Variants in CNTNAP5 observed in about 807,000 individuals in gnomAD.
CNTNAP5 encodes the protein contactin-associated protein-like 5.
CNTNAP5 carries 72 observed loss-of-function variants against 150.2 expected under a neutral mutation model. The observed-to-expected ratio is 0.48, with a 90% CI of 0.40 to 0.58. The LOEUF is 0.58. Ranked by LOEUF, CNTNAP5 falls within the 20% of genes least tolerant of loss-of-function variation. The pLI is 0.00. For synonymous variants in CNTNAP5, 672 were observed against 619.8 expected, an observed-to-expected ratio of 1.08 and a Z score of -1.25; for missense variants, 1,636 against 1,626.2, an observed-to-expected ratio of 1.01 and a Z score of -0.10.
In CNTNAP5 at chr2:124,588,202, TTCTTTC is replaced by T. The variant is rs1558966121; in HGVS notation, c.1757-21597_1757-21592del. Among the ~76,000 whole-genome samples the T allele has an allele frequency of 3.3e-4, 48 of 146,926 alleles. 1 individual carries two copies. Among genetic ancestry groups the T allele is most frequent in the African/African-American group, 1.1e-3 (44 of 39,780 alleles). Reference sequence around the variant, plus strand: ...CTTCTTTCTTTCTTTCTTTCTTTCTTTCTTTCTTTCTTTCTTTCTTTCTTTCTTTCT... The same window carrying T: ...CTTCTTTCTTTCTTTCTTTCTTTCTTTTTCTTTCTTTCTTTCTTTCTTTCT... On this transcript the variant is annotated intron_variant, in intron 11 of 23. Transcript: ENST00000682447.
At chr2:124,113,923 C>T (rs1459055865) in intron 1 of CNTNAP5, among the ~76,000 whole-genome samples, 1 of 151,744 alleles carries the variant, frequency 6.6e-6, no homozygotes, top group Non-Finnish European at 1.5e-5. Context: ...GTGTCTCTCT[C>T]TCTATATATA....
intron 11 of CNTNAP5, among the ~76,000 whole-genome samples, chr2:124,592,915 A>C (rs912217705): frequency 5.9e-5 from 9 of 151,292 alleles, no homozygotes; most frequent in Non-Finnish European, 1.0e-4. Context: ...TTTTTTGTTT[A>C]TTGTATCTTT....
At chr2:124,764,944 C>G (rs540671185) in intron 16 of CNTNAP5, among the ~76,000 whole-genome samples, 1 of 151,958 alleles carries the variant, frequency 6.6e-6, no homozygotes, top group Non-Finnish European at 1.5e-5. Flanking sequence ...CTCTACTTCT[C>G]GAAATTTGAC....
chr2:124,592,947 TA>T (rs777409131), intron 11 of CNTNAP5, among the ~76,000 whole-genome samples: 4 of 151,896 alleles, frequency 2.6e-5, no homozygotes, highest in African/African-American at 7.2e-5. Flanking sequence ...AATGTTTGTT[TA>T]TTTTTTTAAT....
Position 124,658,935 on chromosome 2 carries a change from G to A in CNTNAP5, c.2077+10977G>A, listed in dbSNP as rs1324308928. Among the ~76,000 whole-genome samples the A allele has an allele frequency of 3.9e-5, 6 of 152,240 alleles. No homozygotes were observed. In the South Asian group the frequency reaches 1.2e-3, roughly 32 times the overall value. On this transcript the variant is annotated intron_variant, in intron 13 of 23. Coordinates refer to ENST00000682447, the MANE Select transcript of CNTNAP5 (RefSeq NM_001367498.1). ...TTTCTTCACACCTGAGTCCTCACTG[G>A]AACCTTCCCAAAGAGAAGGCTCCAG...
chr2:124,266,676 G>A (rs1687614064), intron 3 of CNTNAP5, among the ~76,000 whole-genome samples: 1 of 152,102 alleles, frequency 6.6e-6, no homozygotes, highest in East Asian at 1.9e-4. Context: ...TGATGTGTTA[G>A]TGTTCTTACT....
chr2:124,361,914 G>T lies in CNTNAP5; in HGVS notation c.382-55529G>T, dbSNP rs1446374167. On this transcript the variant is annotated intron_variant, in intron 3 of 23. Coordinates refer to ENST00000682447, the MANE Select transcript of CNTNAP5 (RefSeq NM_001367498.1). ...CGGGCGCCCCTCCCCCAGCCTCGCTGCCGCCTTGCAGTTTGATCTCAGACT... is the reference window on the plus strand; with the variant it reads ...CGGGCGCCCCTCCCCCAGCCTCGCTTCCGCCTTGCAGTTTGATCTCAGACT... Among the ~76,000 whole-genome samples the T allele has an allele frequency of 2.6e-5, 4 of 151,984 alleles. No homozygotes were observed. The East Asian group carries it at 7.7e-4, about 29-fold the overall frequency.
chr2:124,770,829 G>T (rs1167190147), intron 16 of CNTNAP5, among the ~76,000 whole-genome samples: 2 of 152,192 alleles, frequency 1.3e-5, no homozygotes, highest in East Asian at 3.8e-4. Flanking sequence ...GTATGTGCCA[G>T]GCACAGTTCT....
At chr2:124,391,823 G>A (rs1245273236) in intron 3 of CNTNAP5, among the ~76,000 whole-genome samples, 1 of 152,188 alleles carries the variant, frequency 6.6e-6, no homozygotes, top group African/African-American at 2.4e-5. Flanking sequence ...GGGCGCGGTG[G>A]CGGGCGCCTG....
chr2:124,217,902 A>G (rs1558805801), intron 1 of CNTNAP5, among the ~76,000 whole-genome samples: 1 of 152,116 alleles, frequency 6.6e-6, no homozygotes. Context: ...TGAAAATAAA[A>G]CTTAGTATAC....
At chr2:124,425,989 C>T (rs572019362) in intron 4 of CNTNAP5, among the ~76,000 whole-genome samples, 27 of 152,136 alleles carry the variant, frequency 1.8e-4, no homozygotes, top group African/African-American at 6.5e-4. Flanking sequence ...TCCAGTTGAA[C>T]TACAAATTTT....
chr2:124,059,141 A>G (rs1247964021), intron 1 of CNTNAP5, among the ~76,000 whole-genome samples: 1 of 152,184 alleles, frequency 6.6e-6, no homozygotes, highest in Non-Finnish European at 1.5e-5. Context: ...TGTTTTCAAC[A>G]GCACTAACGC....
At chr2:124,744,230 C>A (rs1055215852) in intron 13 of CNTNAP5, among the ~76,000 whole-genome samples, 1 of 152,020 alleles carries the variant, frequency 6.6e-6, no homozygotes, top group African/African-American at 2.4e-5. Context: ...ATAAGTCTTA[C>A]AAGATCTGAT....
At chr2:124,465,977 C>CA (rs957939647) in intron 6 of CNTNAP5, among the ~76,000 whole-genome samples, 1 of 151,440 alleles carries the variant, frequency 6.6e-6, no homozygotes, top group African/African-American at 2.4e-5. Flanking sequence ...TGAGAAGAGA[C>CA]AAAAAAAAGT....
At position 124,662,092 on chromosome 2, in the gene CNTNAP5, A is replaced by G. The variant is rs1186678351; in HGVS notation, c.2077+14134A>G. On this transcript the variant is annotated intron_variant, in intron 13 of 23. Coordinates refer to ENST00000682447, the MANE Select transcript of CNTNAP5 (RefSeq NM_001367498.1). ...GTTCAACTCCCACTTATGAGTGAGAACATGCAGTGTTTTGCTGAGAATGAT... is the reference window on the plus strand; with the variant it reads ...GTTCAACTCCCACTTATGAGTGAGAGCATGCAGTGTTTTGCTGAGAATGAT... Among the ~76,000 whole-genome samples, 3 of 152,242 alleles carry G rather than the reference A, an allele frequency of 2.0e-5. No homozygotes were observed. The East Asian group carries it at 5.8e-4, about 29-fold the overall frequency.
intron 13 of CNTNAP5, among the ~76,000 whole-genome samples, chr2:124,685,377 A>G (rs1453091297): frequency 1.3e-5 from 2 of 152,184 alleles, no homozygotes; most frequent in Admixed American, 6.5e-5. Context: ...TAGTACCCAC[A>G]TAGATCATCT....
At position 124,563,212 on chromosome 2, in the gene CNTNAP5, A is replaced by G. The variant is rs768524835; in HGVS notation, c.1650-5A>G. On this transcript the variant is annotated splice_polypyrimidine_tract_variant and splice_region_variant and intron_variant, in intron 10 of 23. Coordinates refer to ENST00000682447, the MANE Select transcript of CNTNAP5 (RefSeq NM_001367498.1). ...TTTCTTTTCATTTATGTTTTCTTCC[A>G]TTAGGTGTTTGCCAAACTACTGTGA... The G allele has an allele frequency of 4.5e-6, 7 of 1,562,926 alleles. No homozygotes were observed. The highest frequency in any genetic ancestry group is 1.7e-4 in the Middle Eastern group (1 of 5,960).
chr2:124,872,297 C>T (rs1301068868), intron 21 of CNTNAP5, among the ~76,000 whole-genome samples: 1 of 151,632 alleles, frequency 6.6e-6, no homozygotes, highest in Non-Finnish European at 1.5e-5. Context: ...ATAATTCCAA[C>T]ATCTGAAGTC....
intron 3 of CNTNAP5, among the ~76,000 whole-genome samples, chr2:124,254,978 C>T (rs745774763): frequency 2.0e-4 from 31 of 152,038 alleles, no homozygotes; most frequent in Non-Finnish European, 3.8e-4. Context: ...CATTTTGTTA[C>T]GCGAAAGCTC....
Sources: allele counts gnomAD v4.1 joint callset (sites outside exome capture counted in the v4.1 genomes callset), GRCh38; gene constraint gnomAD v4.1.1; transcripts MANE v1.5; gene names NCBI Gene and HGNC (gene_info 2026-07-23, HGNC 2026-07-21).